PTPRK: variants seen among roughly 807,000 people sequenced by gnomAD.
The protein encoded by PTPRK is receptor-type tyrosine-protein phosphatase kappa.
In PTPRK, 75 loss-of-function variants were observed where a neutral mutation model predicts 178.0. The ratio of observed to expected loss-of-function variants is 0.42; its 90% CI spans 0.35 to 0.51. PTPRK has a LOEUF of 0.51. PTPRK is among the 20% of genes least tolerant of loss of function. The pLI is 0.02. For missense variants in PTPRK, 1,441 were observed against 1,797.8 expected (o/e 0.80, Z 3.59); for synonymous variants, 637 against 620.6 (o/e 1.03, Z -0.39).
At chr6:128,506,529 G>T (rs543990969) in intron 1 of PTPRK, among the ~76,000 whole-genome samples, 2 of 151,396 alleles carry the variant, frequency 1.3e-5, no homozygotes, top group African/African-American at 4.9e-5. Flanking sequence ...GTATGGTGGC[G>T]CACACCTGTG....
chr6:128,128,782 C>G (rs549902927), intron 7 of PTPRK, among the ~76,000 whole-genome samples: 1 of 152,306 alleles, frequency 6.6e-6, no homozygotes. Context: ...ACTCAACTCT[C>G]AAGAGGCAGT....
chr6:128,307,048 A>C (rs1190106913), intron 3 of PTPRK, among the ~76,000 whole-genome samples: 1 of 151,878 alleles, frequency 6.6e-6, no homozygotes, highest in African/African-American at 2.4e-5. Context: ...AGGGGGAGTA[A>C]GAAAGTGTGA....
intron 7 of PTPRK, among the ~76,000 whole-genome samples, chr6:128,177,431 A>G (rs925348334): frequency 1.3e-4 from 20 of 151,868 alleles, no homozygotes; most frequent in African/African-American, 4.8e-4. Flanking sequence ...AATAAAAACA[A>G]ACAAAGCCAA....
At chr6:128,191,395 A>G (rs1361199132) in intron 6 of PTPRK, among the ~76,000 whole-genome samples, 1 of 152,066 alleles carries the variant, frequency 6.6e-6, no homozygotes, top group Non-Finnish European at 1.5e-5. Context: ...TACCAGGAGC[A>G]CCGGGGCAGG....
At chr6:128,271,731 A>G (rs1346979070) in intron 3 of PTPRK, among the ~76,000 whole-genome samples, 1 of 151,912 alleles carries the variant, frequency 6.6e-6, no homozygotes, top group Non-Finnish European at 1.5e-5. Flanking sequence ...TTGTGATTAT[A>G]GTATCTTTGG....
intron 13 of PTPRK, among the ~76,000 whole-genome samples, chr6:128,013,646 T>C (rs1322688547): frequency 6.6e-6 from 1 of 151,506 alleles, no homozygotes. Context: ...CAAATTGGGA[T>C]GCTTTTGAAG....
chr6:128,315,491 T>C lies in PTPRK; in HGVS notation c.495+6548A>G, dbSNP rs528731474. On this transcript the variant is annotated intron_variant, in intron 3 of 29. Coordinates refer to ENST00000368226, the MANE Select transcript of PTPRK (RefSeq NM_002844.4). Reference sequence around the variant, plus strand: ...TTTATAACTAAATGCAGAAATAACATGTAGTAGCTAGTTTTATAATGATAG... The same window carrying C: ...TTTATAACTAAATGCAGAAATAACACGTAGTAGCTAGTTTTATAATGATAG... 2.6e-5 allele frequency among the ~76,000 whole-genome samples: 4 copies of C among 152,172 alleles called. No homozygotes were observed. In the East Asian group the frequency reaches 7.7e-4, roughly 29 times the overall value.
intron 2 of PTPRK, among the ~76,000 whole-genome samples, chr6:128,343,241 G>T (rs1036117437): frequency 6.6e-6 from 1 of 151,954 alleles, no homozygotes; most frequent in Non-Finnish European, 1.5e-5. Flanking sequence ...AGTGGCTCAC[G>T]CCTGTCCCAG....
intron 7 of PTPRK, among the ~76,000 whole-genome samples, chr6:128,109,902 C>CT (rs1554299104): frequency 6.6e-6 from 1 of 151,706 alleles, no homozygotes; most frequent in Non-Finnish European, 1.5e-5. Flanking sequence ...ATACACACTA[C>CT]TTTTTTGGGG....
chr6:128,175,232 A>C (rs115198975), intron 7 of PTPRK, among the ~76,000 whole-genome samples: 15 of 152,030 alleles, frequency 9.9e-5, no homozygotes, highest in African/African-American at 3.6e-4. Context: ...GCCCAGAATG[A>C]TGATTAATAA....
intron 13 of PTPRK, among the ~76,000 whole-genome samples, chr6:128,030,242 A>C (rs1178342122): frequency 6.6e-6 from 1 of 152,174 alleles, no homozygotes; most frequent in Non-Finnish European, 1.5e-5. Context: ...ACACTGACGG[A>C]AACTGGGCAT....
intron 5 of PTPRK, among the ~76,000 whole-genome samples, chr6:128,223,553 G>A (rs1350534259): frequency 1.3e-5 from 2 of 151,860 alleles, no homozygotes; most frequent in African/African-American, 2.4e-5. Context: ...TATATAGGAT[G>A]TATATTATAT....
At chr6:128,326,481 C>A in intron 2 of PTPRK, among the ~76,000 whole-genome samples, 1 of 151,686 alleles carries the variant, frequency 6.6e-6, no homozygotes, top group East Asian at 1.9e-4. Context: ...CAGTAATTTG[C>A]AAAATTACAG....
intron 15 of PTPRK, chr6:128,000,322 T>G: frequency 7.7e-7 from 1 of 1,296,012 alleles, no homozygotes; most frequent in Non-Finnish European, 1.0e-6. Context: ...TGATAAACAT[T>G]TTTTCTTCCT....
At chr6:128,509,327 TG>T (rs1416125818) in intron 1 of PTPRK, among the ~76,000 whole-genome samples, 2 of 152,150 alleles carry the variant, frequency 1.3e-5, no homozygotes, top group Admixed American at 1.3e-4. Context: ...TGAAAAAAGT[TG>T]GGGGGACTGC....
At chr6:128,376,596 C>G (rs1837110107) in intron 2 of PTPRK, among the ~76,000 whole-genome samples, 1 of 152,196 alleles carries the variant, frequency 6.6e-6, no homozygotes, top group African/African-American at 2.4e-5. Flanking sequence ...TTCGGCTCCT[C>G]ATTACTTATG....
At chr6:128,031,966 A>G (rs535899034) in intron 13 of PTPRK, among the ~76,000 whole-genome samples, 2 of 152,190 alleles carry the variant, frequency 1.3e-5, no homozygotes, top group African/African-American at 4.8e-5. Context: ...AAGCTCCCAA[A>G]TTGCAAGTGT....
intron 7 of PTPRK, among the ~76,000 whole-genome samples, chr6:128,181,957 C>T (rs1301658884): frequency 6.6e-6 from 1 of 152,050 alleles, no homozygotes; most frequent in African/African-American, 2.4e-5. Context: ...AGTAGACATT[C>T]CTGATGAAAT....
chr6:128,152,044 A>C (rs1797323053), intron 7 of PTPRK, among the ~76,000 whole-genome samples: 1 of 152,010 alleles, frequency 6.6e-6, no homozygotes, highest in African/African-American at 2.4e-5. Context: ...AAGGAGACCT[A>C]GGAAGGGGCT....
Sources: gnomAD v4.1 joint callset for allele counts (sites outside exome capture counted in the v4.1 genomes callset) on GRCh38, gnomAD v4.1.1 for gene constraint, MANE v1.5 for transcripts, NCBI Gene and HGNC (gene_info 2026-07-23, HGNC 2026-07-21) for gene names.